The following RASA3 variants were observed in gnomAD, a reference collection of about 807,000 sequenced individuals.
RASA3 encodes ras GTPase-activating protein 3.
Under a neutral mutation model 110.0 loss-of-function variants are expected in RASA3, and 73 were observed. The ratio of observed to expected loss-of-function variants is 0.66; its 90% CI spans 0.55 to 0.81. RASA3 has a LOEUF of 0.81. Ranked by LOEUF, RASA3 falls within the 30% of genes least tolerant of loss-of-function variation. The pLI is 0.00. For synonymous variants in RASA3, 500 were observed against 451.4 expected (o/e 1.11, Z -1.37); for missense variants, 976 against 1,113.2 (o/e 0.88, Z 1.75).
intron 17 of RASA3, among the ~76,000 whole-genome samples, chr13:114,007,973 C>A (rs74364735): frequency 1.7e-5 from 2 of 116,932 alleles, no homozygotes; most frequent in Non-Finnish European, 3.7e-5. Flanking sequence ...AGGTTGCCCC[C>A]ACGCACCGCG....
intron 18 of RASA3, among the ~76,000 whole-genome samples, chr13:114,001,569 A>G (rs907043762): frequency 1.3e-5 from 2 of 148,496 alleles, no homozygotes; most frequent in African/African-American, 5.1e-5. Flanking sequence ...CAGGGCGGAC[A>G]GTGGATGCCC....
chr13:114,093,160 C>A (rs542447033), intron 1 of RASA3, among the ~76,000 whole-genome samples: 42 of 152,244 alleles, frequency 2.8e-4, no homozygotes, highest in African/African-American at 1.0e-3. Flanking sequence ...GTTTACACAC[C>A]ATAATTACAG....
At chr13:114,110,388 C>T (rs899804919) in intron 1 of RASA3, among the ~76,000 whole-genome samples, 1 of 152,208 alleles carries the variant, frequency 6.6e-6, no homozygotes, top group Non-Finnish European at 1.5e-5. Context: ...TGCCTGTGAA[C>T]ATTACGTGCA....
In RASA3 at chr13:114,014,063, CCTCT is replaced by C. The variant is rs1447645593; in HGVS notation, c.1406-819_1406-816del. 9.3e-6 allele frequency among the ~76,000 whole-genome samples: 1 copy of C among 107,640 alleles called. No individual in the cohort carries two copies. Among genetic ancestry groups the C allele is most frequent in the Non-Finnish European group, 2.1e-5 (1 of 46,654 alleles). The allele number at this position is 107,640 out of a possible 152,430, so 70.6% of individuals were successfully genotyped here. ...CTATCTCTCTCTCCGTCTGTCTCTG[CCTCT>C]CTCTCCGTCTGTCTCTGCCTCTCTC... On this transcript the variant is annotated intron_variant, in intron 14 of 23. Transcript: ENST00000334062. The surrounding 1 kb of genome is among the most constrained non-coding windows in gnomAD (Gnocchi z 4.5).
chr13:114,069,464 T>TCGGGGGCC (rs2079518071), intron 2 of RASA3, among the ~76,000 whole-genome samples: 1 of 14,806 alleles, frequency 6.8e-5, no homozygotes, highest in African/African-American at 2.6e-4. Flanking sequence ...CTTGGGGGGC[T>TCGGGGGCC]GGGAGACTCG....
At chr13:114,030,960 CGT>C (rs2054154678) in intron 4 of RASA3, among the ~76,000 whole-genome samples, 3 of 127,868 alleles carry the variant, frequency 2.3e-5, no homozygotes, top group East Asian at 2.3e-4. Flanking sequence ...CTGCTGTGTG[CGT>C]GTCTGCCTGT....
chr13:114,049,907 G>A (rs1269923463), intron 3 of RASA3, among the ~76,000 whole-genome samples: 1 of 152,238 alleles, frequency 6.6e-6, no homozygotes, highest in Non-Finnish European at 1.5e-5. Context: ...GGCAGGTCAC[G>A]GAGGGCAGCC....
chr13:114,062,197 T>G (rs530216808), intron 2 of RASA3, among the ~76,000 whole-genome samples: 1 of 151,902 alleles, frequency 6.6e-6, no homozygotes, highest in South Asian at 2.1e-4. Context: ...GGTTTTTTTT[T>G]TACTTACTTA....
chr13:114,126,198 G>A (rs573062132), intron 1 of RASA3, among the ~76,000 whole-genome samples: 2 of 148,638 alleles, frequency 1.3e-5, no homozygotes, highest in Non-Finnish European at 3.0e-5. Flanking sequence ...CAGAGGTACC[G>A]GCACCTGCTG....
At chr13:114,055,615 C>T (rs2079230697) in intron 2 of RASA3, among the ~76,000 whole-genome samples, 1 of 152,356 alleles carries the variant, frequency 6.6e-6, no homozygotes, top group Non-Finnish European at 1.5e-5. Context: ...ATTTTTACAA[C>T]GACAAAACGG....
intron 23 of RASA3, among the ~76,000 whole-genome samples, chr13:113,979,625 C>T (rs1344057916): frequency 6.6e-6 from 1 of 152,184 alleles, no homozygotes; most frequent in Non-Finnish European, 1.5e-5. Flanking sequence ...GTCAGGCGTG[C>T]AAGTACATGT....
chr13:114,040,870 C>A, intron 4 of RASA3, 130 bp downstream of exon 4: 2 of 854,260 alleles, frequency 2.3e-6, no homozygotes, highest in South Asian at 3.2e-5. Flanking sequence ...AACACGCAAT[C>A]TGCTCATCGT....
rs1279387922 is a variant in RASA3 at position 114,014,175 on chromosome 13, CCT to C, written c.1406-929_1406-928del. On this transcript the variant is annotated intron_variant, in intron 14 of 23. Transcript: ENST00000334062. The surrounding 1 kb of genome is among the most constrained non-coding windows in gnomAD (Gnocchi z 4.5). ...GTCTCTGCCTCTCTCTCCATCTCTC[CCT>C]GTTTCTCTCCATCTCTCATCACCAC... 6.6e-6 allele frequency among the ~76,000 whole-genome samples: 1 copy of C among 152,002 alleles called. No homozygotes were observed. The highest frequency in any genetic ancestry group is 1.5e-5 in the Non-Finnish European group (1 of 67,996).
At chr13:114,080,017 G>A (rs961243623) in intron 1 of RASA3, among the ~76,000 whole-genome samples, 4 of 152,238 alleles carry the variant, frequency 2.6e-5, no homozygotes, top group Middle Eastern at 3.2e-3. Flanking sequence ...AAGGGCCTGC[G>A]AAGCTGCCAG....
intron 1 of RASA3, among the ~76,000 whole-genome samples, chr13:114,076,175 G>T (rs938586788): frequency 6.6e-6 from 1 of 152,248 alleles, no homozygotes; most frequent in African/African-American, 2.4e-5. Flanking sequence ...AAGAGACACA[G>T]CAGCTCTCGA....
chr13:114,117,176 A>G (rs1458426350), intron 1 of RASA3, among the ~76,000 whole-genome samples: 26 of 37,102 alleles, frequency 7.0e-4, no homozygotes, highest in East Asian at 1.8e-3. Flanking sequence ...TGTGTGACAG[A>G]TGCATGTGTG....
intron 7 of RASA3, among the ~76,000 whole-genome samples, chr13:114,025,005 C>A (rs962432662): frequency 2.6e-5 from 4 of 152,212 alleles, no homozygotes; most frequent in African/African-American, 9.7e-5. Context: ...AGCAGGAGGC[C>A]GACCCACAGG....
chr13:114,041,760 A>G (rs2054413713), intron 3 of RASA3, among the ~76,000 whole-genome samples: 1 of 152,260 alleles, frequency 6.6e-6, no homozygotes. Context: ...GAGAGCCAGA[A>G]TGAGCTGCCA....
At chr13:114,021,001 G>A (rs1249646535) in intron 9 of RASA3, among the ~76,000 whole-genome samples, 3 of 151,964 alleles carry the variant, frequency 2.0e-5, no homozygotes, top group Non-Finnish European at 4.4e-5. Flanking sequence ...CAGACCCCAC[G>A]AGCTGCTCAC....
Sources: gnomAD v4.1 joint callset for allele counts (sites outside exome capture counted in the v4.1 genomes callset) on GRCh38, gnomAD v4.1.1 for gene constraint, Gnocchi (gnomAD v3.1) non-coding constraint, MANE v1.5 for transcripts, NCBI Gene and HGNC (gene_info 2026-07-23, HGNC 2026-07-21) for gene names.